Variants in TOGARAM2 observed in about 807,000 individuals in gnomAD.
TOGARAM2 encodes TOG array regulator of axonemal microtubules protein 2.
TOGARAM2 carries 85 observed loss-of-function variants against 93.3 expected under a neutral mutation model. The observed-to-expected ratio is 0.91, with a 90% CI of 0.76 to 1.09. TOGARAM2 has a LOEUF of 1.09. TOGARAM2 is among the 50% of genes least tolerant of loss of function. The pLI is 0.00. For missense variants in TOGARAM2, 1,277 were observed against 1,334.5 expected, an observed-to-expected ratio of 0.96 and a Z score of 0.67; for synonymous variants, 593 against 552.8, an observed-to-expected ratio of 1.07 and a Z score of -1.02.
chr2:29,051,993 T>C lies in TOGARAM2; in HGVS notation c.2960T>C (p.Leu987Ser), dbSNP rs1333161690. The change falls in exon 20 of 20, where the codon TTA (leucine) becomes TCA (serine). Residue 987 changes from leucine to serine, a missense_variant. Leu to Ser is a moderately radical substitution (Grantham distance 145, BLOSUM62 -2). Coordinates refer to ENST00000379558, the MANE Select transcript of TOGARAM2 (RefSeq NM_199280.4). The part of the protein sequence containing the change: ...KHVLKTLQEL[L>S]DSESLGGSRK... ...GTCCTCAAGACGCTCCAGGAACTCTTAGACTCAGAGTCCTTGGGAGGCAGC... is the reference window on the plus strand; with the variant it reads ...GTCCTCAAGACGCTCCAGGAACTCTCAGACTCAGAGTCCTTGGGAGGCAGC... 1.2e-6 allele frequency: 2 copies of C among 1,613,366 alleles called. No individual in the cohort carries two copies. Among genetic ancestry groups the C allele is most frequent in the East Asian group, 4.5e-5 (2 of 44,882 alleles).
chr2:29,006,043 T>C (rs1450989287), intron 6 of TOGARAM2, among the ~76,000 whole-genome samples: 13 of 91,230 alleles, frequency 1.4e-4, no homozygotes, highest in Admixed American at 1.3e-3. Flanking sequence ...TGTGAGTGCA[T>C]GTGTGGAGTG....
At chr2:28,991,562 C>T (rs886945032) in intron 1 of TOGARAM2, among the ~76,000 whole-genome samples, 2 of 152,168 alleles carry the variant, frequency 1.3e-5, no homozygotes, top group Admixed American at 6.5e-5. Flanking sequence ...CTCTGAAAGT[C>T]GGAGCGGGTG....
At chr2:29,022,399 C>G (rs1665013561) in intron 11 of TOGARAM2, 91 bp downstream of exon 11, 5 of 1,525,412 alleles carry the variant, frequency 3.3e-6, no homozygotes, top group Non-Finnish European at 4.4e-6. Flanking sequence ...CCTCCTCTCC[C>G]ACTCTGGGGT....
rs570505849 is a variant in TOGARAM2 at position 29,003,687 on chromosome 2, G to A, written c.830+5G>A. On this transcript the variant is annotated splice_donor_5th_base_variant and intron_variant, in intron 6 of 19. Coordinates refer to ENST00000379558, the MANE Select transcript of TOGARAM2 (RefSeq NM_199280.4). ...CCTGAGGGCCCCACGCACGCGGTAA[G>A]AGCTCCAAGTCAAACCTTCCTTGCT... is the stretch of plus-strand genomic sequence containing the variant. 2 of 1,518,214 alleles carry A rather than the reference G, an allele frequency of 1.3e-6. No homozygotes were observed. The highest frequency in any genetic ancestry group is 2.2e-5 in the Admixed American group (1 of 45,260). The allele number at this position is 1,518,214 out of a possible 1,614,324, so 94.0% of individuals were successfully genotyped here. A position where few individuals can be genotyped will look rare whatever the true frequency, so the allele number is the denominator to read the frequency against.
chr2:29,013,712 G>T (rs559568603), intron 7 of TOGARAM2, among the ~76,000 whole-genome samples: 1 of 152,232 alleles, frequency 6.6e-6, no homozygotes, highest in Non-Finnish European at 1.5e-5. Context: ...TTCTAGCTGC[G>T]ATGGCAGCTA....
At chr2:29,003,296 C>T (rs1029138657) in intron 5 of TOGARAM2, among the ~76,000 whole-genome samples, 196 bp from the exon 6 acceptor site, 3 of 152,164 alleles carry the variant, frequency 2.0e-5, no homozygotes, top group African/African-American at 4.8e-5. Flanking sequence ...AACAGAAAAA[C>T]GAATAATAAT....
intron 6 of TOGARAM2, 40 bp downstream of exon 6, chr2:29,003,722 C>T (rs1367232787): frequency 4.2e-6 from 6 of 1,429,222 alleles, no homozygotes; most frequent in Non-Finnish European, 5.5e-6. Flanking sequence ...TGACTTCTCT[C>T]CCTCTGTCCC....
In TOGARAM2 at chr2:28,956,723, G is replaced by A. The variant is rs963714397; in HGVS notation, c.-147+26G>A. ...GTGGGTAAGGAGAGGTGGAATTCTG[G>A]TCACAGGCTACATGTACCTTAAATT... On this transcript the variant is annotated intron_variant, in intron 1 of 6. Coordinates refer to the TOGARAM2 transcript ENST00000401723. This position sits in a 1 kb window ranked among gnomAD's most constrained non-coding sequence, Gnocchi z 4.5. 2.0e-5 allele frequency: 3 copies of A among 152,152 alleles called. No homozygotes were observed. Among genetic ancestry groups the A allele is most frequent in the Non-Finnish European group, 2.9e-5 (2 of 68,034 alleles). 9.4% of individuals were successfully genotyped at this position (152,152 alleles called of 1,614,324 possible).
At chr2:29,016,172 G>A (rs540182679) in intron 8 of TOGARAM2, among the ~76,000 whole-genome samples, 2 of 152,240 alleles carry the variant, frequency 1.3e-5, no homozygotes, top group South Asian at 2.1e-4. Flanking sequence ...CAACCACCTC[G>A]GGCGTCCTTG....
In TOGARAM2 at chr2:29,006,330, ATG is replaced by A. The variant is rs1216331767; in HGVS notation, c.830+2656_830+2657del. Reference sequence around the variant, plus strand: ...GAGTGCCTGTGTGTGGAGTGTGTGCATGTGTGTGTATGTGTGTATGTGTGAGT... The same window carrying A: ...GAGTGCCTGTGTGTGGAGTGTGTGCATGTGTGTATGTGTGTATGTGTGAGT... On this transcript the variant is annotated intron_variant, in intron 6 of 19. Transcript: ENST00000379558. Among the ~76,000 whole-genome samples, 12 of 114,440 alleles carry A rather than the reference ATG, an allele frequency of 1.0e-4. No individual in the cohort carries two copies. In the South Asian group the frequency reaches 2.3e-3, roughly 22 times the overall value. The allele number at this position is 114,440 out of a possible 152,430, so 75.1% of individuals were successfully genotyped here.
At chr2:29,040,897 AC>A (rs1666393875) in intron 18 of TOGARAM2, among the ~76,000 whole-genome samples, 1 of 151,714 alleles carries the variant, frequency 6.6e-6, no homozygotes. Flanking sequence ...TGAACCAGAT[AC>A]CCTTCCTATT....
intron 8 of TOGARAM2, among the ~76,000 whole-genome samples, chr2:29,015,023 C>T (rs906949133): frequency 1.3e-4 from 20 of 152,344 alleles, no homozygotes; most frequent in African/African-American, 4.6e-4. Context: ...CCTCACACTT[C>T]TCAGGTGACC....
intron 1 of TOGARAM2, among the ~76,000 whole-genome samples, chr2:28,989,061 A>AT (rs942462228): frequency 3.3e-5 from 5 of 151,954 alleles, no homozygotes; most frequent in African/African-American, 1.2e-4. Flanking sequence ...TTGTATTTTT[A>AT]TTTTTTGAGC....
At chr2:28,958,963 C>T (rs1671762017) in intron 1 of TOGARAM2, among the ~76,000 whole-genome samples, 1 of 152,176 alleles carries the variant, frequency 6.6e-6, no homozygotes, top group Non-Finnish European at 1.5e-5. Context: ...AAAGTGCTTG[C>T]AGCTCTTTTC....
chr2:28,975,409 C>T (rs368217832), intron 1 of TOGARAM2, among the ~76,000 whole-genome samples: 18 of 151,890 alleles, frequency 1.2e-4, no homozygotes, highest in East Asian at 3.9e-4. Context: ...AGGATGGTCT[C>T]GATCTCCTGA....
chr2:29,018,567 CAG>C (rs1226486424), intron 10 of TOGARAM2: 1 of 151,770 alleles, frequency 6.6e-6, no homozygotes, highest in Non-Finnish European at 1.5e-5. Flanking sequence ...CAGCTTGGTT[CAG>C]AGTTTCTGTA....
At chr2:29,028,283 G>T (rs921595999) in intron 14 of TOGARAM2, among the ~76,000 whole-genome samples, 3 of 152,162 alleles carry the variant, frequency 2.0e-5, no homozygotes, top group Non-Finnish European at 4.4e-5. Context: ...ATTCTCGTAG[G>T]GTACCCACGT....
At chr2:29,047,521 A>G (rs1437188329) in intron 19 of TOGARAM2, 1 of 152,272 alleles carries the variant, frequency 6.6e-6, no homozygotes, top group Non-Finnish European at 1.5e-5. Flanking sequence ...ACAGCTTAAT[A>G]GGAGTAAATC....
rs200086994 is a variant in TOGARAM2 at position 28,999,406 on chromosome 2, T to A, written c.365T>A (p.Ile122Asn). 253 of 1,613,158 alleles carry A rather than the reference T, an allele frequency of 1.6e-4. No individual in the cohort carries two copies. Among genetic ancestry groups the A allele is most frequent in the Non-Finnish European group, 2.0e-4 (241 of 1,179,640 alleles). The change falls in exon 4 of 20, where the codon ATC (isoleucine) becomes AAC (asparagine). Residue 122 changes from isoleucine to asparagine, a missense_variant. Coordinates refer to ENST00000379558, the MANE Select transcript of TOGARAM2 (RefSeq NM_199280.4). ...GCCAACAGCGTGGCCAGGGACACCA[T>A]CCAGATTAAGGACAAGCTCAAGAAA... ...SEANSVARDT[I>N]QIKDKLKKRR... is the part of the protein sequence containing the mutation.
Sources: gnomAD v4.1 joint callset for allele counts (sites outside exome capture counted in the v4.1 genomes callset) on GRCh38, gnomAD v4.1.1 for gene constraint, Gnocchi (gnomAD v3.1) non-coding constraint, MANE v1.5 for transcripts, NCBI Gene and HGNC (gene_info 2026-07-23, HGNC 2026-07-21) for gene names.